FGGY: variants seen among roughly 807,000 people sequenced by gnomAD.
The protein encoded by FGGY is FGGY carbohydrate kinase domain-containing protein.
In FGGY, 72 loss-of-function variants were observed where a neutral mutation model predicts 71.3. The observed-to-expected ratio is 1.01, with a 90% CI of 0.84 to 1.23. The LOEUF is 1.23. FGGY is among the 50% of genes most tolerant of loss of function. FGGY has a pLI of 0.00. For synonymous variants in FGGY, 251 were observed against 250.3 expected, an observed-to-expected ratio of 1.00 and a Z score of -0.02; for missense variants, 668 against 682.3, an observed-to-expected ratio of 0.98 and a Z score of 0.23.
chr1:59,535,661 A>G (rs1352453508), intron 7 of FGGY, among the ~76,000 whole-genome samples: 1 of 150,974 alleles, frequency 6.6e-6, no homozygotes, highest in Non-Finnish European at 1.5e-5. Flanking sequence ...TCAAACTAGA[A>G]CTCAGGATTA....
rs1238409674 is a variant in FGGY at position 59,354,969 on chromosome 1, G to A, written c.465+8571G>A. 2.6e-5 allele frequency among the ~76,000 whole-genome samples: 4 copies of A among 152,208 alleles called. No homozygotes were observed. The South Asian group carries it at 8.3e-4, about 32-fold the overall frequency. On this transcript the variant is annotated intron_variant, in intron 4 of 15. Transcript: ENST00000303721. Reference sequence around the variant, plus strand: ...CTCATGAGATCAGCAAAGGAGGTCAGCTGGGCCAGGAGGGTATGAGCAAGG... The same window carrying A: ...CTCATGAGATCAGCAAAGGAGGTCAACTGGGCCAGGAGGGTATGAGCAAGG...
chr1:59,741,124 C>G (rs2098143280), intron 14 of FGGY, among the ~76,000 whole-genome samples: 1 of 152,108 alleles, frequency 6.6e-6, no homozygotes, highest in South Asian at 2.1e-4. Context: ...TGCTGTAAAC[C>G]TTTCATCTTA....
intron 11 of FGGY, among the ~76,000 whole-genome samples, chr1:59,654,968 T>TA (rs1553374998): frequency 2.6e-5 from 4 of 151,808 alleles, no homozygotes; most frequent in African/African-American, 9.7e-5. Context: ...CTTGCAAGAG[T>TA]CCCCCCACTC....
intron 5 of FGGY, among the ~76,000 whole-genome samples, chr1:59,449,945 G>A (rs1203687125): frequency 6.6e-6 from 1 of 152,240 alleles, no homozygotes; most frequent in Non-Finnish European, 1.5e-5. Flanking sequence ...ACTCCAGCCT[G>A]TGTAACAGAG....
At chr1:59,415,805 G>A (rs1047249369) in intron 5 of FGGY, among the ~76,000 whole-genome samples, 1 of 152,144 alleles carries the variant, frequency 6.6e-6, no homozygotes, top group Non-Finnish European at 1.5e-5. Context: ...TCTACCACAC[G>A]GCTACTGGAA....
chr1:59,633,471 G>A (rs2096927554), intron 10 of FGGY, among the ~76,000 whole-genome samples: 1 of 152,160 alleles, frequency 6.6e-6, no homozygotes, highest in Non-Finnish European at 1.5e-5. Flanking sequence ...ACAGTGCCTG[G>A]TGGCATAGGG....
intron 1 of FGGY, among the ~76,000 whole-genome samples, chr1:59,312,653 T>G (rs1181808549): frequency 6.6e-6 from 1 of 152,228 alleles, no homozygotes. Flanking sequence ...TGTCATTTGA[T>G]GAGTCAGATT....
intron 10 of FGGY, among the ~76,000 whole-genome samples, chr1:59,631,100 T>G (rs1290551719): frequency 6.6e-6 from 1 of 152,218 alleles, no homozygotes; most frequent in African/African-American, 2.4e-5. Context: ...GGGGCATCAG[T>G]GATCACTTTT....
chr1:59,459,259 A>G (rs1360785104), intron 6 of FGGY, among the ~76,000 whole-genome samples: 1 of 152,220 alleles, frequency 6.6e-6, no homozygotes, highest in Non-Finnish European at 1.5e-5. Flanking sequence ...TGCAATATTT[A>G]TATGGTGCAT....
intron 2 of FGGY, chr1:59,332,178 T>C (rs922385104): frequency 5.3e-5 from 8 of 152,156 alleles, no homozygotes; most frequent in African/African-American, 1.7e-4. Flanking sequence ...CACAATCCCT[T>C]CCCCAAATAT....
intron 14 of FGGY, among the ~76,000 whole-genome samples, chr1:59,715,323 T>G (rs754726710): frequency 1.2e-4 from 18 of 152,162 alleles, no homozygotes; most frequent in Non-Finnish European, 2.6e-4. Flanking sequence ...CCTTAGAGGG[T>G]GGTGAACATG....
intron 14 of FGGY, among the ~76,000 whole-genome samples, chr1:59,736,554 C>T (rs899918625): frequency 6.6e-6 from 1 of 152,090 alleles, no homozygotes; most frequent in Non-Finnish European, 1.5e-5. Context: ...ACTCTTGTTA[C>T]GTTTCAGCAA....
In FGGY at chr1:59,760,628, T is replaced by C. The variant is rs1272732801; in HGVS notation, c.1575-1875T>C. Among the ~76,000 whole-genome samples, 3 of 152,298 alleles carry C rather than the reference T, an allele frequency of 2.0e-5. No homozygotes were observed. The East Asian group carries it at 5.8e-4, about 29-fold the overall frequency. ...ATTATTCAGCCTTAGAAAGAAGCAA[T>C]TTCTGACATGCCACACATCAGTGAA... On this transcript the variant is annotated intron_variant, in intron 15 of 15. Transcript: ENST00000303721.
chr1:59,664,133 A>G (rs970955386), intron 12 of FGGY, among the ~76,000 whole-genome samples: 1 of 152,220 alleles, frequency 6.6e-6, no homozygotes, highest in Non-Finnish European at 1.5e-5. Context: ...AAAAGGTACT[A>G]TTTGCATTTG....
chr1:59,679,921 A>G (rs2097479302), intron 14 of FGGY, among the ~76,000 whole-genome samples: 1 of 152,170 alleles, frequency 6.6e-6, no homozygotes, highest in Non-Finnish European at 1.5e-5. Context: ...CTCTGTTACT[A>G]AATGTTTGCA....
At chr1:59,587,921 C>T (rs2096341156) in intron 8 of FGGY, among the ~76,000 whole-genome samples, 1 of 152,210 alleles carries the variant, frequency 6.6e-6, no homozygotes, top group Admixed American at 6.5e-5. Flanking sequence ...CAGTTCCTCA[C>T]CAGCAATGGA....
At chr1:59,523,865 A>G (rs370067621) in intron 7 of FGGY, among the ~76,000 whole-genome samples, 7 of 152,218 alleles carry the variant, frequency 4.6e-5, no homozygotes, top group Non-Finnish European at 7.3e-5. Context: ...GGCAGCAGTG[A>G]CCCATCTGGA....
chr1:59,380,904 C>T (rs2059344936), intron 5 of FGGY, among the ~76,000 whole-genome samples: 1 of 150,122 alleles, frequency 6.7e-6, no homozygotes, highest in Admixed American at 6.6e-5. Flanking sequence ...TGGCTTTCTT[C>T]TAGGGTTTTT....
chr1:59,540,967 CAAGT>C lies in FGGY; in HGVS notation c.800-13153_800-13150del, dbSNP rs2095430998. ...TGCTATACTCATAATCATGAGTAAT[CAAGT>C]AAGGGAAAAATTATGTTATGAATCC... On this transcript the variant is annotated intron_variant, in intron 7 of 15. Coordinates refer to ENST00000303721, the MANE Select transcript of FGGY (RefSeq NM_018291.5). 2.0e-5 allele frequency among the ~76,000 whole-genome samples: 3 copies of C among 152,254 alleles called. No individual in the cohort carries two copies. In the South Asian group the frequency reaches 6.2e-4, roughly 32 times the overall value.
Sources: gnomAD v4.1 joint callset for allele counts (sites outside exome capture counted in the v4.1 genomes callset) on GRCh38, gnomAD v4.1.1 for gene constraint, MANE v1.5 for transcripts, NCBI Gene and HGNC (gene_info 2026-07-23, HGNC 2026-07-21) for gene names.